ABR: variants seen among roughly 807,000 people sequenced by gnomAD.
The protein encoded by ABR is active breakpoint cluster region-related protein.
A neutral mutation model predicts 107.2 loss-of-function variants in ABR; 35 were observed. The ratio of observed to expected loss-of-function variants is 0.33; its 90% CI spans 0.25 to 0.43. The LOEUF is 0.43. Ranked by LOEUF, ABR falls within the 20% of genes least tolerant of loss-of-function variation. The pLI, the probability that ABR is intolerant of heterozygous loss-of-function variation, is 1.00. For missense variants in ABR, 815 were observed against 1,115.2 expected (o/e 0.73, Z 3.83); for synonymous variants, 498 against 462.0 (o/e 1.08, Z -1.00).
intron 1 of ABR, among the ~76,000 whole-genome samples, chr17:1,175,062 G>C (rs2151612460): frequency 6.6e-6 from 1 of 152,278 alleles, no homozygotes; most frequent in South Asian, 2.1e-4. Flanking sequence ...AAATAACAAA[G>C]AGAAGATGAT....
chr17:1,014,373 A>G (rs7405741), intron 16 of ABR, among the ~76,000 whole-genome samples: 66,316 of 118,776 alleles, frequency 0.56, 19,319 homozygotes, highest in East Asian at 0.74. Flanking sequence ...CCCGGGAGGC[A>G]GAGCTTGCAG....
At chr17:1,096,110 A>AC (rs1272175998) in intron 3 of ABR, among the ~76,000 whole-genome samples, 1 of 150,170 alleles carries the variant, frequency 6.7e-6, no homozygotes, top group Admixed American at 6.6e-5. Context: ...TTTTTCCTTC[A>AC]CCCCCTACTT....
intron 1 of ABR, among the ~76,000 whole-genome samples, chr17:1,142,141 C>T (rs1468183557): frequency 6.6e-6 from 1 of 152,114 alleles, no homozygotes; most frequent in Non-Finnish European, 1.5e-5. Context: ...CTCTCTGGCT[C>T]CTACCCCAGG....
Position 1,179,879 on chromosome 17 carries a change from G to C in ABR, c.-152C>G. ...TCCCCGGGAGGAGCGCGGGGCGGCCGGGGCAGGGGCGAGGGCGGGGCGGGA... is the reference window on the plus strand; with the variant it reads ...TCCCCGGGAGGAGCGCGGGGCGGCCCGGGCAGGGGCGAGGGCGGGGCGGGA... On this transcript the variant is annotated 5_prime_UTR_variant, in exon 1 of 23. Coordinates refer to ENST00000302538, the MANE Select transcript of ABR (RefSeq NM_021962.5). The surrounding 1 kb of genome is among the most constrained non-coding windows in gnomAD (Gnocchi z 4.9). The C allele has an allele frequency of 1.4e-6, 1 of 733,336 alleles. No individual in the cohort carries two copies. Among genetic ancestry groups the C allele is most frequent in the Non-Finnish European group, 2.0e-6 (1 of 506,086 alleles). The allele number at this position is 733,336 out of a possible 1,614,324, so 45.4% of individuals were successfully genotyped here. A position where few individuals can be genotyped will look rare whatever the true frequency, so the allele number is the denominator to read the frequency against.
chr17:1,195,472 T>C (rs2042540593), intron 1 of ABR, among the ~76,000 whole-genome samples: 1 of 151,646 alleles, frequency 6.6e-6, no homozygotes, highest in Non-Finnish European at 1.5e-5. Context: ...CCCCCAGCCC[T>C]GCCTGACCCA....
intron 16 of ABR, among the ~76,000 whole-genome samples, chr17:1,048,283 C>T (rs1452268649): frequency 6.6e-6 from 1 of 152,244 alleles, no homozygotes; most frequent in Non-Finnish European, 1.5e-5. Context: ...TGTTTAGGAA[C>T]ACGGGGCGTA....
intron 16 of ABR, among the ~76,000 whole-genome samples, chr17:1,030,976 G>A (rs1046940355): frequency 6.6e-6 from 1 of 152,240 alleles, no homozygotes; most frequent in Non-Finnish European, 1.5e-5. Context: ...CAGGACAGTC[G>A]GCTTCTATCT....
At chr17:1,013,642 C>G (rs915901468) in intron 16 of ABR, among the ~76,000 whole-genome samples, 1 of 152,240 alleles carries the variant, frequency 6.6e-6, no homozygotes, top group Non-Finnish European at 1.5e-5. Context: ...CAGGAGCCCG[C>G]GCACAGGAGG....
intron 1 of ABR, among the ~76,000 whole-genome samples, chr17:1,193,448 C>T (rs994545704): frequency 9.9e-5 from 15 of 152,222 alleles, no homozygotes; most frequent in South Asian, 6.2e-4. Flanking sequence ...ACAGTCACCA[C>T]GCCCGCTTTA....
At position 1,150,445 on chromosome 17, in the gene ABR, G is replaced by A. The variant is rs1212670882; in HGVS notation, c.62-25078C>T. On this transcript the variant is annotated intron_variant, in intron 1 of 22. Coordinates refer to ENST00000302538, the MANE Select transcript of ABR (RefSeq NM_021962.5). This position sits in a 1 kb window ranked among gnomAD's most constrained non-coding sequence, Gnocchi z 4.8. ...AGAGGTGCTCAGAGCAGTCAGATTCGTCCAGACACAAAGAGGAGGGTGGTG... is the reference window on the plus strand; with the variant it reads ...AGAGGTGCTCAGAGCAGTCAGATTCATCCAGACACAAAGAGGAGGGTGGTG... Among the ~76,000 whole-genome samples, 2 of 152,132 alleles carry A rather than the reference G, an allele frequency of 1.3e-5. No homozygotes were observed. Among genetic ancestry groups the A allele is most frequent in the African/African-American group, 2.4e-5 (1 of 41,422 alleles).
chr17:1,032,908 G>A (rs574144947), intron 16 of ABR, among the ~76,000 whole-genome samples: 1 of 152,184 alleles, frequency 6.6e-6, no homozygotes, highest in Non-Finnish European at 1.5e-5. Context: ...TGGCAACCGC[G>A]AACCAGGTCT....
chr17:1,012,590 G>A (rs1487083900), intron 18 of ABR, 98 bp downstream of exon 18: 2 of 873,882 alleles, frequency 2.3e-6, no homozygotes, highest in South Asian at 2.8e-5. Flanking sequence ...AACTGATTAG[G>A]TGCCAGGATG....
rs528745763 is a variant in ABR, at chr17:1,010,572, A to C, written c.2236+157T>G. On this transcript the variant is annotated intron_variant, in intron 20 of 22. Coordinates refer to ENST00000302538, the MANE Select transcript of ABR (RefSeq NM_021962.5). This position sits in a 1 kb window ranked among gnomAD's most constrained non-coding sequence, Gnocchi z 4.1. ...TCTGCACCAGGTCCCAGCAGGCCAC[A>C]CCTCACCCTCGGACCCCTCAGCCAC... The C allele has an allele frequency of 1.1e-4, 109 of 979,976 alleles. 1 individual carries two copies. The African/African-American group carries it at 1.6e-3, about 14-fold the overall frequency. 60.7% of individuals were successfully genotyped at this position (979,976 alleles called of 1,614,324 possible).
chr17:1,008,893 A>G (rs1345619832), intron 21 of ABR, among the ~76,000 whole-genome samples: 1 of 152,214 alleles, frequency 6.6e-6, no homozygotes, highest in Non-Finnish European at 1.5e-5. Context: ...GGACCTGACT[A>G]GAAAGGGTGG....
intron 16 of ABR, among the ~76,000 whole-genome samples, chr17:1,033,676 G>GCACCC (rs2072969704): frequency 6.6e-6 from 1 of 152,036 alleles, no homozygotes; most frequent in Non-Finnish European, 1.5e-5. Context: ...CACGTCACAC[G>GCACCC]CACCCCTGGA....
intron 1 of ABR, among the ~76,000 whole-genome samples, chr17:1,178,520 C>A (rs113641084): frequency 0.031 from 4,716 of 151,084 alleles, 232 homozygotes; most frequent in African/African-American, 0.11. Flanking sequence ...GCGGAGATTG[C>A]GCCACTGCAC....
At chr17:1,130,871 T>A (rs1477430437) in intron 1 of ABR, among the ~76,000 whole-genome samples, 1 of 151,782 alleles carries the variant, frequency 6.6e-6, no homozygotes, top group Non-Finnish European at 1.5e-5. Context: ...AAGAGGGGAG[T>A]AAGTGGGAAC....
chr17:1,098,443 A>G (rs2037635702), intron 3 of ABR, among the ~76,000 whole-genome samples: 1 of 152,190 alleles, frequency 6.6e-6, no homozygotes, highest in Admixed American at 6.5e-5. Context: ...ACATATATAT[A>G]CAGGCACACA....
chr17:1,056,916 C>G (rs1597587939), intron 13 of ABR, 82 bp downstream of exon 13: 1 of 909,574 alleles, frequency 1.1e-6, no homozygotes, highest in Non-Finnish European at 1.8e-6. Context: ...AGCCACATGT[C>G]TGTCTGAGTC....
Sources: gnomAD v4.1 joint callset for allele counts (sites outside exome capture counted in the v4.1 genomes callset) on GRCh38, gnomAD v4.1.1 for gene constraint, Gnocchi (gnomAD v3.1) non-coding constraint, MANE v1.5 for transcripts, NCBI Gene and HGNC (gene_info 2026-07-23, HGNC 2026-07-21) for gene names.